The following TRHDE variants were observed in gnomAD, a reference collection of about 807,000 sequenced individuals.
The protein encoded by TRHDE is thyrotropin releasing hormone degrading enzyme.
Under a neutral mutation model 125.7 loss-of-function variants are expected in TRHDE, and 72 were observed. The observed-to-expected ratio is 0.57, with a 90% CI of 0.47 to 0.70. TRHDE has a LOEUF of 0.70. Ranked by LOEUF, TRHDE falls within the 30% of genes least tolerant of loss-of-function variation. The probability of loss-of-function intolerance (pLI) is 0.00; values close to 1 mark genes in which losing one functional copy is unlikely to be tolerated. For missense variants in TRHDE, 1,110 were observed against 1,327.1 expected (o/e 0.84, Z 2.54); for synonymous variants, 509 against 509.1 (o/e 1.00, Z 0.00).
chr12:72,562,195 G>A lies in TRHDE; in HGVS notation c.1819G>A (p.Ala607Thr), dbSNP rs758159060. The change falls in exon 8 of 19, where the codon GCA (alanine) becomes ACA (threonine). Residue 607 changes from alanine (A) to threonine (T), a missense_variant. Around this residue, in one of 5 missense-constraint regions of TRHDE, gnomAD observed 527 missense variants for 651.8 expected, o/e 0.81. Transcript: ENST00000261180. Reference protein sequence around the residue: ...DYLTIHKYGNAARNDLWNTLS... With the variant: ...DYLTIHKYGNTARNDLWNTLS... ...TTTAACCATTCATAAGTATGGTAATGCAGCCAGAAATGATCTCTGGAATAC... is the reference window on the plus strand; with the variant it reads ...TTTAACCATTCATAAGTATGGTAATACAGCCAGAAATGATCTCTGGAATAC... The A allele has an allele frequency of 1.1e-5, 17 of 1,565,408 alleles. No individual in the cohort carries two copies. The highest frequency in any genetic ancestry group is 1.4e-5 in the African/African-American group (1 of 73,972).
intron 18 of TRHDE, among the ~76,000 whole-genome samples, chr12:72,660,726 TCTAA>T (rs1375172891): frequency 6.6e-6 from 1 of 152,230 alleles, no homozygotes; most frequent in African/African-American, 2.4e-5. Flanking sequence ...TATTCTTTAT[TCTAA>T]CTATTTTCTT....
chr12:72,156,580 A>G (rs751932780), intron 2 of TRHDE, among the ~76,000 whole-genome samples: 27 of 152,172 alleles, frequency 1.8e-4, no homozygotes, highest in Middle Eastern at 3.2e-3. Context: ...AGAGAGTGTT[A>G]GAAAAATAGG....
chr12:72,097,467 TA>T (rs1874958260), intron 1 of TRHDE, among the ~76,000 whole-genome samples: 3 of 131,012 alleles, frequency 2.3e-5, no homozygotes, highest in Non-Finnish European at 3.3e-5. Flanking sequence ...TTTTTTTTTT[TA>T]GACAGAGTTT....
intron 2 of TRHDE, among the ~76,000 whole-genome samples, chr12:72,318,252 A>T (rs1198270019): frequency 1.3e-5 from 2 of 152,124 alleles, no homozygotes; most frequent in Non-Finnish European, 2.9e-5. Flanking sequence ...GAGTCCAAAG[A>T]AATGAGGGTA....
At chr12:72,137,124 T>G (rs755035637) in intron 2 of TRHDE, among the ~76,000 whole-genome samples, 2 of 151,994 alleles carry the variant, frequency 1.3e-5, no homozygotes, top group Non-Finnish European at 2.9e-5. Flanking sequence ...GGACTCAGAG[T>G]CATTTTACAT....
At chr12:72,335,158 G>A (rs950625557) in intron 2 of TRHDE, among the ~76,000 whole-genome samples, 2 of 152,116 alleles carry the variant, frequency 1.3e-5, no homozygotes, top group African/African-American at 4.8e-5. Context: ...TACTCAAAAT[G>A]GATGCTGAGG....
chr12:72,645,995 G>A (rs777947292), intron 15 of TRHDE, among the ~76,000 whole-genome samples: 2 of 151,984 alleles, frequency 1.3e-5, no homozygotes, highest in Non-Finnish European at 2.9e-5. Flanking sequence ...TGAAATAAAA[G>A]GATGCTAAAC....
intron 3 of TRHDE, among the ~76,000 whole-genome samples, chr12:72,399,386 C>T (rs1313995796): frequency 6.6e-6 from 1 of 152,106 alleles, no homozygotes; most frequent in Non-Finnish European, 1.5e-5. Context: ...CCATTTTATC[C>T]AGCAAGTGGG....
At chr12:72,589,325 T>C (rs1333848974) in intron 12 of TRHDE, among the ~76,000 whole-genome samples, 2 of 152,186 alleles carry the variant, frequency 1.3e-5, no homozygotes, top group Non-Finnish European at 2.9e-5. Flanking sequence ...TTTCTTTTTT[T>C]CTTTCTATTG....
rs144917569 is a variant in TRHDE, at chr12:72,194,428, C to T, written n.279+88676C>T. 7.6e-4 allele frequency among the ~76,000 whole-genome samples: 115 copies of T among 152,094 alleles called. 5 individuals are homozygous for T. The South Asian group carries it at 0.019, about 25-fold the overall frequency. ...ACCCAGAATGAACTTAAAAACAATT[C>T]GACTTTTATTTTAGATTTGGGGGGT... On this transcript the variant is annotated intron_variant and non_coding_transcript_variant, in intron 2 of 4. Coordinates refer to the TRHDE transcript ENST00000548156.
intron 2 of TRHDE, among the ~76,000 whole-genome samples, chr12:72,125,041 GT>G (rs1208128707): frequency 1.3e-5 from 2 of 151,956 alleles, no homozygotes; most frequent in Non-Finnish European, 2.9e-5. Context: ...ATATATCCTT[GT>G]TTCCTAAAAA....
At chr12:72,184,404 C>T (rs1877159474) in intron 2 of TRHDE, among the ~76,000 whole-genome samples, 1 of 152,160 alleles carries the variant, frequency 6.6e-6, no homozygotes, top group African/African-American at 2.4e-5. Context: ...GCTTCTTCCC[C>T]AGCCCAAGCA....
chr12:72,644,925 C>G (rs1874219407), intron 15 of TRHDE, among the ~76,000 whole-genome samples: 1 of 152,148 alleles, frequency 6.6e-6, no homozygotes, highest in South Asian at 2.1e-4. Context: ...ACAGAGCAAG[C>G]AGACAAAACC....
At chr12:72,185,361 C>T (rs1877183705) in intron 2 of TRHDE, among the ~76,000 whole-genome samples, 2 of 152,230 alleles carry the variant, frequency 1.3e-5, no homozygotes, top group South Asian at 4.1e-4. Flanking sequence ...GCCCTAGCCT[C>T]CCCGACGAGC....
Position 72,473,247 on chromosome 12 carries a change from C to T in TRHDE, c.1584+67C>T, listed in dbSNP as rs996920366. The T allele has an allele frequency of 1.7e-5, 21 of 1,245,954 alleles. No homozygotes were observed. The East Asian group carries it at 3.3e-4, about 20-fold the overall frequency. The allele number at this position is 1,245,954 out of a possible 1,614,324, so 77.2% of individuals were successfully genotyped here. On this transcript the variant is annotated intron_variant, in intron 5 of 18. Coordinates refer to ENST00000261180, the MANE Select transcript of TRHDE (RefSeq NM_013381.3). ...GATCTAGTGTTACATTAGGCTTATA[C>T]CATCCTTAGAGATGACTAAAAATAC... is the stretch of plus-strand genomic sequence containing the variant.
intron 5 of TRHDE, among the ~76,000 whole-genome samples, chr12:72,479,645 TTG>T (rs1491294894): frequency 7.8e-4 from 74 of 95,174 alleles, no homozygotes; most frequent in African/African-American, 2.9e-3. Flanking sequence ...GGATTTTTTT[TTG>T]TTTTTTTTTA....
intron 18 of TRHDE, among the ~76,000 whole-genome samples, chr12:72,660,800 G>A (rs989430746): frequency 2.6e-5 from 4 of 152,008 alleles, no homozygotes; most frequent in Non-Finnish European, 5.9e-5. Context: ...GTAGTTCTTC[G>A]CCCACAAATG....
At chr12:72,640,383 C>T (rs1281771191) in intron 15 of TRHDE, among the ~76,000 whole-genome samples, 3 of 152,250 alleles carry the variant, frequency 2.0e-5, no homozygotes, top group African/African-American at 7.2e-5. Context: ...TGCGTGCACC[C>T]ACTGACCTGC....
intron 1 of TRHDE, among the ~76,000 whole-genome samples, chr12:72,276,737 C>T (rs1483315280): frequency 6.6e-6 from 1 of 152,182 alleles, no homozygotes. Context: ...TTGGTTACTA[C>T]AGTTGTTGAA....
Sources: gnomAD v4.1 joint callset for allele counts (sites outside exome capture counted in the v4.1 genomes callset) on GRCh38, gnomAD v4.1.1 for gene constraint, gnomAD v4.1.1 regional missense constraint, MANE v1.5 for transcripts, NCBI Gene and HGNC (gene_info 2026-07-23, HGNC 2026-07-21) for gene names.